Variants in LSM14A observed in about 807,000 individuals in gnomAD.
The protein encoded by LSM14A is protein LSM14 homolog A.
A neutral mutation model predicts 52.4 loss-of-function variants in LSM14A; 14 were observed. The ratio of observed to expected loss-of-function variants is 0.27; its 90% CI spans 0.18 to 0.42. LSM14A has a LOEUF of 0.42. LSM14A is among the 10% of genes least tolerant of loss of function. The probability of loss-of-function intolerance (pLI) is 1.00; values close to 1 mark genes in which losing one functional copy is unlikely to be tolerated. For missense variants in LSM14A, 417 were observed against 581.8 expected (o/e 0.72, Z 2.91); for synonymous variants, 185 against 200.3 (o/e 0.92, Z 0.64).
At chr19:34,208,839 C>A in intron 3 of LSM14A, 90 bp from the exon 4 acceptor site, 1 of 821,400 alleles carries the variant, frequency 1.2e-6, no homozygotes. Context: ...TAGACAATTA[C>A]CATCATTAAA....
intron 4 of LSM14A, among the ~76,000 whole-genome samples, chr19:34,210,323 G>T (rs2072040802): frequency 6.6e-6 from 1 of 151,236 alleles, no homozygotes; most frequent in African/African-American, 2.4e-5. Context: ...AGACTGGAGT[G>T]CAGTGGCACA....
intron 1 of LSM14A, among the ~76,000 whole-genome samples, chr19:34,189,709 T>G (rs1454084730): frequency 6.6e-6 from 1 of 152,212 alleles, no homozygotes; most frequent in East Asian, 1.9e-4. Flanking sequence ...TATGCCTTCC[T>G]GCACTAAGAG....
chr19:34,197,588 G>A lies in LSM14A; in HGVS notation c.415+825G>A, dbSNP rs556931763. Among the ~76,000 whole-genome samples the A allele has an allele frequency of 2.6e-5, 4 of 151,266 alleles. No homozygotes were observed. The South Asian group carries it at 6.3e-4, about 24-fold the overall frequency. On this transcript the variant is annotated intron_variant, in intron 3 of 9. Coordinates refer to ENST00000544216, the MANE Select transcript of LSM14A (RefSeq NM_015578.4). ...TGAGTAGCTGGGATTACAGGTGTGC[G>A]CCACCACTCCCAGCCAATTTTTTTG...
rs1383163279 is a variant in LSM14A at position 34,227,751 on chromosome 19, C to A, written c.*363C>A. 1 of 201,572 alleles carries A rather than the reference C, an allele frequency of 5.0e-6. No individual in the cohort carries two copies. Among genetic ancestry groups the A allele is most frequent in the Non-Finnish European group, 9.7e-6 (1 of 103,016 alleles). 12.5% of individuals were successfully genotyped at this position (201,572 alleles called of 1,614,324 possible). The stretch of plus-strand genomic sequence containing the variant: ...GTATTTGGCAATTGCAAGTTGCCTG[C>A]AGATAGGGCCGTGATACTGTGTTTT... On this transcript the variant is annotated 3_prime_UTR_variant, in exon 10 of 10. Coordinates refer to ENST00000544216, the MANE Select transcript of LSM14A (RefSeq NM_015578.4).
chr19:34,183,455 G>T (rs1055982729), intron 1 of LSM14A, among the ~76,000 whole-genome samples: 3 of 152,138 alleles, frequency 2.0e-5, no homozygotes, highest in Non-Finnish European at 4.4e-5. Context: ...GGAAGCTGGG[G>T]CAGGAGAATC....
intron 3 of LSM14A, among the ~76,000 whole-genome samples, chr19:34,206,450 C>T (rs1164729068): frequency 6.6e-6 from 1 of 151,348 alleles, no homozygotes; most frequent in Non-Finnish European, 1.5e-5. Flanking sequence ...GGGCAGATCA[C>T]GAGGTCAGGA....
chr19:34,193,587 T>C (rs1302263591), intron 1 of LSM14A, among the ~76,000 whole-genome samples: 1 of 152,214 alleles, frequency 6.6e-6, no homozygotes, highest in Non-Finnish European at 1.5e-5. Flanking sequence ...TAATGCTGTC[T>C]TCATTGTTAA....
intron 3 of LSM14A, among the ~76,000 whole-genome samples, chr19:34,197,737 G>A (rs774784730): frequency 2.6e-5 from 4 of 151,950 alleles, no homozygotes; most frequent in Non-Finnish European, 5.9e-5. Flanking sequence ...CACCAAGCCC[G>A]GCCTAAAACA....
intron 9 of LSM14A, among the ~76,000 whole-genome samples, chr19:34,222,600 A>G (rs1365615736): frequency 6.6e-6 from 1 of 152,262 alleles, no homozygotes; most frequent in African/African-American, 2.4e-5. Context: ...ACCTGTTAGC[A>G]GGAGTTCCAT....
intron 5 of LSM14A, 36 bp downstream of exon 5, chr19:34,215,336 T>G (rs1451519294): frequency 2.0e-6 from 3 of 1,535,844 alleles, no homozygotes; most frequent in Non-Finnish European, 1.8e-6. Context: ...CTTAATTGAC[T>G]GATCAATGTT....
chr19:34,226,537 A>G, intron 9 of LSM14A: 7 of 1,280,354 alleles, frequency 5.5e-6, no homozygotes, highest in South Asian at 3.0e-5. Flanking sequence ...CTTGTAGCTC[A>G]TTGCTGTCAA....
chr19:34,219,351 C>T (rs747939264), intron 6 of LSM14A, 40 bp from the exon 7 acceptor site: 4 of 1,430,902 alleles, frequency 2.8e-6, no homozygotes, highest in Non-Finnish European at 2.9e-6. Flanking sequence ...CCAGCTATTA[C>T]ATATTGAATG....
At chr19:34,216,056 T>A (rs2072559839) in intron 6 of LSM14A, among the ~76,000 whole-genome samples, 1 of 152,190 alleles carries the variant, frequency 6.6e-6, no homozygotes, top group Non-Finnish European at 1.5e-5. Flanking sequence ...AAGGGACGAC[T>A]CTGAACTAGT....
chr19:34,202,736 G>A (rs2071392484), intron 3 of LSM14A, among the ~76,000 whole-genome samples: 1 of 152,066 alleles, frequency 6.6e-6, no homozygotes. Context: ...CTCACTGCAA[G>A]CTCCACCTCC....
At chr19:34,202,399 G>T (rs1439991846) in intron 3 of LSM14A, among the ~76,000 whole-genome samples, 1 of 151,336 alleles carries the variant, frequency 6.6e-6, no homozygotes, top group Non-Finnish European at 1.5e-5. Flanking sequence ...AGGCTGAGGT[G>T]GGGGGATTGC....
chr19:34,179,551 C>A (rs542855001), intron 1 of LSM14A, among the ~76,000 whole-genome samples: 1 of 151,988 alleles, frequency 6.6e-6, no homozygotes, highest in Non-Finnish European at 1.5e-5. Context: ...TTACATAGTC[C>A]GCAGAAATAC....
chr19:34,176,507 ATT>A (rs1271834942), intron 1 of LSM14A, among the ~76,000 whole-genome samples: 1 of 152,212 alleles, frequency 6.6e-6, no homozygotes, highest in Non-Finnish European at 1.5e-5. Context: ...TTCTTCTGAC[ATT>A]TATAGTTTTA....
At chr19:34,203,092 T>C (rs2071418375) in intron 3 of LSM14A, among the ~76,000 whole-genome samples, 2 of 152,242 alleles carry the variant, frequency 1.3e-5, no homozygotes, top group Non-Finnish European at 2.9e-5. Flanking sequence ...TTCCCTGTGT[T>C]ACCATTGAAC....
intron 1 of LSM14A, among the ~76,000 whole-genome samples, chr19:34,176,605 T>C (rs558870261): frequency 6.6e-6 from 1 of 152,250 alleles, no homozygotes; most frequent in South Asian, 2.1e-4. Context: ...GTATATATTT[T>C]ATTTTTAGCT....
Sources: allele counts gnomAD v4.1 joint callset (sites outside exome capture counted in the v4.1 genomes callset), GRCh38; gene constraint gnomAD v4.1.1; transcripts MANE v1.5; gene names NCBI Gene and HGNC (gene_info 2026-07-23, HGNC 2026-07-21).